The following SOBP variants were observed in gnomAD, a reference collection of about 807,000 sequenced individuals.
The protein encoded by SOBP is sine oculis binding protein homolog, also known as sine oculis-binding protein homolog.
Under a neutral mutation model 53.6 loss-of-function variants are expected in SOBP, and 4 were observed. That is an observed-to-expected ratio of 0.07 (90% confidence interval 0.04 to 0.17). SOBP has a LOEUF of 0.17. SOBP is among the 10% of genes least tolerant of loss of function. SOBP has a pLI of 1.00. For synonymous variants in SOBP, 584 were observed against 522.6 expected (o/e 1.12, Z -1.60); for missense variants, 1,088 against 1,204.7 (o/e 0.90, Z 1.43).
intron 3 of SOBP, chr6:107,514,852 C>T (rs527764165): frequency 6.6e-6 from 1 of 152,260 alleles, no homozygotes; most frequent in African/African-American, 2.4e-5. Context: ...TTAACAGGTA[C>T]TTGTTAATTG....
At chr6:107,518,027 T>C (rs544022419) in intron 3 of SOBP, among the ~76,000 whole-genome samples, 2 of 151,904 alleles carry the variant, frequency 1.3e-5, no homozygotes, top group South Asian at 2.1e-4. Context: ...TTTATACAAA[T>C]AAAAAAAGAA....
chr6:107,544,826 CAT>C (rs1784250478), intron 4 of SOBP, among the ~76,000 whole-genome samples: 1 of 152,196 alleles, frequency 6.6e-6, no homozygotes, highest in South Asian at 2.1e-4. Context: ...TTCATTCATT[CAT>C]TCATTCTACC....
chr6:107,634,995 C>T lies in SOBP; in HGVS notation c.2151C>T (p.Ala717=), dbSNP rs1293801722. 6 of 1,086,654 alleles carry T rather than the reference C, an allele frequency of 5.5e-6. No homozygotes were observed. Among genetic ancestry groups the T allele is most frequent in the African/African-American group, 3.4e-5 (2 of 59,030 alleles). 67.3% of individuals were successfully genotyped at this position (1,086,654 alleles called of 1,614,324 possible). The change falls in exon 6 of 7, where the codon GCC becomes GCT. Residue 717 remains alanine (A), a synonymous_variant. Coordinates refer to ENST00000317357, the MANE Select transcript of SOBP (RefSeq NM_018013.4). This position sits in a 1 kb window ranked among gnomAD's most constrained non-coding sequence, Gnocchi z 4.5. ...GCGCCCCGGCGGGCCCCGAGGCGGC[C>T]GCGGCCTGCAACGTCATCGTGAACG... ...GPGAPAGPEA[A]AACNVIVNGT...
chr6:107,599,632 G>A (rs2818263), intron 5 of SOBP, among the ~76,000 whole-genome samples: 65,831 of 149,306 alleles, frequency 0.44, 16,816 homozygotes, highest in East Asian at 0.85. Context: ...AAGGTTGCTA[G>A]CTCCCAAATT....
intron 6 of SOBP, among the ~76,000 whole-genome samples, chr6:107,637,723 A>G (rs960340977): frequency 3.9e-5 from 6 of 152,246 alleles, no homozygotes; most frequent in African/African-American, 1.4e-4. Flanking sequence ...CTATTATACC[A>G]TCATTGGAGT....
chr6:107,539,398 G>A (rs754216487), intron 4 of SOBP, among the ~76,000 whole-genome samples: 1 of 152,238 alleles, frequency 6.6e-6, no homozygotes, highest in East Asian at 1.9e-4. Context: ...ATCAGAATCC[G>A]GTCACCTGGG....
chr6:107,620,011 T>G (rs898640103), intron 5 of SOBP, among the ~76,000 whole-genome samples: 1 of 152,202 alleles, frequency 6.6e-6, no homozygotes, highest in Admixed American at 6.5e-5. Context: ...AGACTTTTGG[T>G]CTTCCTAAAG....
At chr6:107,553,782 G>A (rs1230075560) in intron 4 of SOBP, among the ~76,000 whole-genome samples, 1 of 152,068 alleles carries the variant, frequency 6.6e-6, no homozygotes, top group African/African-American at 2.4e-5. Context: ...CACTGTGCCT[G>A]GCCAATTTTT....
At chr6:107,584,017 A>G (rs1396260573) in intron 4 of SOBP, among the ~76,000 whole-genome samples, 2 of 152,162 alleles carry the variant, frequency 1.3e-5, no homozygotes, top group African/African-American at 2.4e-5. Flanking sequence ...CAACCTGTAT[A>G]TCCCCCTCTC....
At chr6:107,616,804 C>A (rs528132453) in intron 5 of SOBP, among the ~76,000 whole-genome samples, 1 of 152,306 alleles carries the variant, frequency 6.6e-6, no homozygotes, top group Non-Finnish European at 1.5e-5. Flanking sequence ...GACGGTTGGC[C>A]CAGTCCTTTG....
chr6:107,530,664 A>G (rs1209079451), intron 3 of SOBP, among the ~76,000 whole-genome samples: 1 of 152,166 alleles, frequency 6.6e-6, no homozygotes, highest in African/African-American at 2.4e-5. Context: ...GTTTAATACT[A>G]GAAAAGGAGA....
intron 5 of SOBP, among the ~76,000 whole-genome samples, chr6:107,606,454 A>C (rs771768637): frequency 8.5e-5 from 13 of 152,092 alleles, no homozygotes; most frequent in Non-Finnish European, 1.8e-4. Flanking sequence ...GGTGGGTGGC[A>C]GTGGGGGTGC....
intron 3 of SOBP, among the ~76,000 whole-genome samples, chr6:107,524,274 A>C (rs11758333): frequency 0.42 from 63,745 of 152,068 alleles, 16,847 homozygotes; most frequent in Middle Eastern, 0.67. Context: ...CTTGTCGCTT[A>C]TCACGTTCAT....
intron 3 of SOBP, among the ~76,000 whole-genome samples, chr6:107,512,199 T>C (rs1421969962): frequency 2.0e-5 from 3 of 152,214 alleles, no homozygotes; most frequent in Non-Finnish European, 4.4e-5. Context: ...AAAAATCACA[T>C]CATGAACATA....
chr6:107,590,214 A>T (rs1785699339), intron 5 of SOBP, among the ~76,000 whole-genome samples: 1 of 152,204 alleles, frequency 6.6e-6, no homozygotes, highest in Non-Finnish European at 1.5e-5. Flanking sequence ...TTGAAAGCCC[A>T]CTGAGAGTAA....
intron 4 of SOBP, among the ~76,000 whole-genome samples, chr6:107,556,691 G>A (rs1052117969): frequency 6.6e-6 from 1 of 152,210 alleles, no homozygotes; most frequent in Non-Finnish European, 1.5e-5. Context: ...TGTGACAGGA[G>A]GATCATGGTT....
At position 107,558,084 on chromosome 6, in the gene SOBP, A is replaced by C. The variant is rs964493146; in HGVS notation, c.573+24474A>C. ...AAAAATTACAAAGTTAAATTTCTAC[A>C]AAATTTATGATTATAAGATGTAGGC... On this transcript the variant is annotated intron_variant, in intron 4 of 6. Coordinates refer to ENST00000317357, the MANE Select transcript of SOBP (RefSeq NM_018013.4). The C allele has an allele frequency of 2.0e-5, 3 of 152,156 alleles. No homozygotes were observed. The South Asian group carries it at 6.2e-4, about 32-fold the overall frequency. The allele number at this position is 152,156 out of a possible 1,614,324, so 9.4% of individuals were successfully genotyped here.
At chr6:107,499,456 T>C (rs1782781049) in intron 1 of SOBP, among the ~76,000 whole-genome samples, 1 of 152,226 alleles carries the variant, frequency 6.6e-6, no homozygotes, top group Non-Finnish European at 1.5e-5. Flanking sequence ...TGACCTATTT[T>C]CCAAACCCAA....
intron 6 of SOBP, among the ~76,000 whole-genome samples, chr6:107,648,021 C>T (rs532010270): frequency 1.3e-3 from 201 of 152,272 alleles, no homozygotes; most frequent in Non-Finnish European, 2.4e-3. Context: ...TTTCTCCCTC[C>T]CTCTCTCTGC....
Sources: gnomAD v4.1 joint callset for allele counts (sites outside exome capture counted in the v4.1 genomes callset) on GRCh38, gnomAD v4.1.1 for gene constraint, Gnocchi (gnomAD v3.1) non-coding constraint, MANE v1.5 for transcripts, NCBI Gene and HGNC (gene_info 2026-07-23, HGNC 2026-07-21) for gene names.